TMPRSS4: variants seen among roughly 807,000 people sequenced by gnomAD.
TMPRSS4 encodes transmembrane serine protease 4, also known as transmembrane protease serine 4.
TMPRSS4 carries 45 observed loss-of-function variants against 56.4 expected under a neutral mutation model. The observed-to-expected ratio is 0.80, with a 90% CI of 0.63 to 1.02. The LOEUF is 1.02. Among genes scored for constraint, TMPRSS4 ranks in the 50% least tolerant of loss-of-function variants. TMPRSS4 has a pLI of 0.00. For synonymous variants in TMPRSS4, 205 were observed against 211.0 expected (o/e 0.97, Z 0.25); for missense variants, 546 against 556.7 (o/e 0.98, Z 0.19).
chr11:118,112,934 TGTAACTGACAGCATGA>T (rs1167369632), intron 8 of TMPRSS4, among the ~76,000 whole-genome samples: 1 of 149,862 alleles, frequency 6.7e-6, no homozygotes, highest in Admixed American at 6.8e-5. Context: ...AAGCACGTAA[TGTAACTGACAGCATGA>T]GTAACACAGT....
At chr11:118,085,387 C>A (rs1465919498) in intron 1 of TMPRSS4, among the ~76,000 whole-genome samples, 1 of 152,010 alleles carries the variant, frequency 6.6e-6, no homozygotes, top group Non-Finnish European at 1.5e-5. Context: ...CCACGCCCAG[C>A]TAATTTTTTG....
At position 118,096,976 on chromosome 11, in the gene TMPRSS4, GAAAGAAAGAAA is replaced by G. The variant is rs1565423289; in HGVS notation, c.44-2008_44-1998del. Among the ~76,000 whole-genome samples, 26 of 35,722 alleles carry G rather than the reference GAAAGAAAGAAA, an allele frequency of 7.3e-4. 4 individuals carry two copies. Among genetic ancestry groups the G allele is most frequent in the African/African-American group, 1.7e-3 (13 of 7,708 alleles). 23.4% of individuals were successfully genotyped at this position (35,722 alleles called of 152,430 possible). ...GAAGGAAAGAAAGAAAGGAAAGAAA[GAAAGAAAGAAA>G]GAAAGAAAGAAAGAAAGAAAGAAAG... On this transcript the variant is annotated intron_variant, in intron 2 of 12. Transcript: ENST00000437212.
In TMPRSS4 at chr11:118,104,832, G is replaced by A. The variant is rs1485142832; in HGVS notation, c.440+12G>A. On this transcript the variant is annotated intron_variant, in intron 5 of 12. Coordinates refer to ENST00000437212, the MANE Select transcript of TMPRSS4 (RefSeq NM_019894.4). Reference sequence around the variant, plus strand: ...ATGGGCTACAGCAGGTAACCAACCTGGGCCTCTCTCCTTTTTCCCTCCTTC... The same window carrying A: ...ATGGGCTACAGCAGGTAACCAACCTAGGCCTCTCTCCTTTTTCCCTCCTTC... The A allele has an allele frequency of 6.4e-7, 1 of 1,563,778 alleles. No homozygotes were observed. Among genetic ancestry groups the A allele is most frequent in the African/African-American group, 1.4e-5 (1 of 72,570 alleles).
intron 6 of TMPRSS4, 96 bp downstream of exon 6, chr11:118,107,971 G>T: frequency 1.1e-6 from 1 of 951,624 alleles, no homozygotes. Context: ...AAGCAGCCAG[G>T]GGAATGTAAG....
chr11:118,080,722 A>T (rs1945059386), intron 1 of TMPRSS4, among the ~76,000 whole-genome samples: 1 of 151,978 alleles, frequency 6.6e-6, no homozygotes, highest in South Asian at 2.1e-4. Flanking sequence ...AGAAAAACAG[A>T]CCCAAAACAG....
intron 1 of TMPRSS4, among the ~76,000 whole-genome samples, chr11:118,077,516 G>T (rs1218038660): frequency 6.6e-6 from 1 of 152,144 alleles, no homozygotes; most frequent in African/African-American, 2.4e-5. Context: ...CATGGTCCTT[G>T]GACCAGCTCA....
At chr11:118,092,722 G>A (rs908032348) in intron 1 of TMPRSS4, among the ~76,000 whole-genome samples, 3 of 152,202 alleles carry the variant, frequency 2.0e-5, no homozygotes, top group African/African-American at 7.2e-5. Context: ...TATAAACTAA[G>A]TTTCTCCCAA....
chr11:118,122,172 T>C (rs940009479), downstream of TMPRSS4, among the ~76,000 whole-genome samples: 2 of 152,122 alleles, frequency 1.3e-5, no homozygotes, highest in Non-Finnish European at 2.9e-5. Flanking sequence ...CAAAGTAGGA[T>C]AGTGAAAAAA....
chr11:118,105,874 G>A (rs1217224979), intron 5 of TMPRSS4: 2 of 152,246 alleles, frequency 1.3e-5, no homozygotes, highest in East Asian at 1.9e-4. Flanking sequence ...GTCCTTTTCA[G>A]TAAATGCTCC....
chr11:118,078,796 T>C (rs1224178968), intron 1 of TMPRSS4, among the ~76,000 whole-genome samples: 1 of 152,114 alleles, frequency 6.6e-6, no homozygotes, highest in African/African-American at 2.4e-5. Flanking sequence ...TGTGCTGTCT[T>C]GAGGCATTCA....
At chr11:118,084,774 T>G (rs773826790) in intron 1 of TMPRSS4, among the ~76,000 whole-genome samples, 1 of 152,194 alleles carries the variant, frequency 6.6e-6, no homozygotes, top group Non-Finnish European at 1.5e-5. Flanking sequence ...AACAACCCTG[T>G]GAATTAAGTC....
rs1591398048 is a variant in TMPRSS4, at chr11:118,108,699, GGA to G, written c.543-156_543-155del. On this transcript the variant is annotated intron_variant, in intron 6 of 12. Coordinates refer to ENST00000437212, the MANE Select transcript of TMPRSS4 (RefSeq NM_019894.4). ...GAAGTGTCAATGCAGGAAATGCAAT[GGA>G]TGTCAATGCAGTCTCCAAATGTTCC... 7.5e-6 allele frequency: 5 copies of G among 662,482 alleles called. No homozygotes were observed. The African/African-American group carries it at 9.1e-5, about 12-fold the overall frequency. The allele number at this position is 662,482 out of a possible 1,614,324, so 41.0% of individuals were successfully genotyped here.
chr11:118,114,577 T>C (rs1947444009), intron 9 of TMPRSS4, among the ~76,000 whole-genome samples: 1 of 152,142 alleles, frequency 6.6e-6, no homozygotes, highest in Non-Finnish European at 1.5e-5. Flanking sequence ...TGGGGTGATT[T>C]AGGGCAGGGA....
Position 118,085,226 on chromosome 11 carries a change from C to CT in TMPRSS4, c.3+7936dup, listed in dbSNP as rs67063759. On this transcript the variant is annotated intron_variant, in intron 1 of 12. Transcript: ENST00000437212. ...GATGGAGGAGTCAGATCTTCTTCTT[C>CT]TTTTTTTTTTTTTTTGAGACAGAGT... Among the ~76,000 whole-genome samples, 1,031 of 141,866 alleles carry CT rather than the reference C, an allele frequency of 7.3e-3. 13 individuals are homozygous for CT. Among genetic ancestry groups the CT allele is most frequent in the African/African-American group, 0.021 (798 of 38,564 alleles). 93.1% of individuals were successfully genotyped at this position (141,866 alleles called of 152,430 possible).
At position 118,077,144 on chromosome 11, in the gene TMPRSS4, C is replaced by A; in HGVS notation, c.-159C>A. ...GACAAGGATGCTGGGCGTGAGGGAC[C>A]AAGGCCTGCCCTGCACTCGGGCCTC... On this transcript the variant is annotated 5_prime_UTR_variant, in exon 1 of 13. Transcript: ENST00000437212. The A allele has an allele frequency of 3.9e-6, 3 of 763,894 alleles. No individual in the cohort carries two copies. The highest frequency in any genetic ancestry group is 6.2e-6 in the Non-Finnish European group (3 of 486,470). 47.3% of individuals were successfully genotyped at this position (763,894 alleles called of 1,614,324 possible). A position where few individuals can be genotyped will look rare whatever the true frequency, so the allele number is the denominator to read the frequency against.
chr11:118,124,310 G>A (rs1265240337), downstream of TMPRSS4, among the ~76,000 whole-genome samples: 4 of 152,058 alleles, frequency 2.6e-5, no homozygotes, highest in Admixed American at 6.6e-5. Flanking sequence ...GCTTGAACCC[G>A]GGAGGCGGAG....
Position 118,119,295 on chromosome 11 carries a change from A to C in TMPRSS4, c.*1382A>C. The C allele has an allele frequency of 1.0e-6, 1 of 985,448 alleles. No homozygotes were observed. Among genetic ancestry groups the C allele is most frequent in the Non-Finnish European group, 1.2e-6 (1 of 829,930 alleles). The allele number at this position is 985,448 out of a possible 1,614,324, so 61.0% of individuals were successfully genotyped here. On this transcript the variant is annotated 3_prime_UTR_variant, in exon 13 of 13. Coordinates refer to ENST00000437212, the MANE Select transcript of TMPRSS4 (RefSeq NM_019894.4). The stretch of plus-strand genomic sequence containing the variant: ...GACACACTGAAGACAAGGGAGCTGA[A>C]CCAGGGCTCCTACATGAAGCAGGGA...
intron 1 of TMPRSS4, among the ~76,000 whole-genome samples, chr11:118,077,986 C>T (rs560105366): frequency 7.9e-6 from 1 of 126,450 alleles, no homozygotes; most frequent in South Asian, 2.5e-4. Context: ...GCACTCCAAC[C>T]TGGGCAACAA....
At chr11:118,087,793 A>G (rs1005962048) in intron 1 of TMPRSS4, 6 of 152,304 alleles carry the variant, frequency 3.9e-5, no homozygotes, top group Non-Finnish European at 7.3e-5. Flanking sequence ...GGGGTGGGGA[A>G]TAGGAATAAA....
Sources: allele counts gnomAD v4.1 joint callset (sites outside exome capture counted in the v4.1 genomes callset), GRCh38; gene constraint gnomAD v4.1.1; transcripts MANE v1.5; gene names NCBI Gene and HGNC (gene_info 2026-07-23, HGNC 2026-07-21).